Variants in MEIS2 observed in about 807,000 individuals in gnomAD.
MEIS2 encodes homeobox protein Meis2.
In MEIS2, 9 loss-of-function variants were observed where a neutral mutation model predicts 58.6. The ratio of observed to expected loss-of-function variants is 0.15; its 90% CI spans 0.09 to 0.27. The LOEUF (loss-of-function observed/expected upper bound fraction) is 0.27. Among genes scored for constraint, MEIS2 ranks in the 10% least tolerant of loss-of-function variants. MEIS2 has a pLI of 1.00. For missense variants in MEIS2, 427 were observed against 635.0 expected, an observed-to-expected ratio of 0.67 and a Z score of 3.52; for synonymous variants, 221 against 228.4, an observed-to-expected ratio of 0.97 and a Z score of 0.29.
Position 36,889,359 on chromosome 15 carries a change from G to C in MEIS2, c.*2814C>G, listed in dbSNP as rs543344013. On this transcript the variant is annotated 3_prime_UTR_variant, in exon 12 of 12. Transcript: ENST00000561208. ...TCTTTACACTAAATAGTAAACCCGA[G>C]ATAGGAGCAAGTGCCTTCCGGGGTG... 6.6e-6 allele frequency: 1 copy of C among 151,898 alleles called. No homozygotes were observed. The allele number at this position is 151,898 out of a possible 1,614,324, so 9.4% of individuals were successfully genotyped here.
chr15:37,011,749 A>C (rs973168113), intron 8 of MEIS2, among the ~76,000 whole-genome samples: 1 of 150,504 alleles, frequency 6.6e-6, no homozygotes, highest in Non-Finnish European at 1.5e-5. Flanking sequence ...CCTCCTGAGT[A>C]GCTGGGATTA....
chr15:37,099,574 G>T lies in MEIS2; in HGVS notation c.-108C>A. 6.6e-7 allele frequency: 1 copy of T among 1,508,056 alleles called. No homozygotes were observed. The highest frequency in any genetic ancestry group is 9.0e-7 in the Non-Finnish European group (1 of 1,108,986). The allele number at this position is 1,508,056 out of a possible 1,614,324, so 93.4% of individuals were successfully genotyped here. A position where few individuals can be genotyped will look rare whatever the true frequency, so the allele number is the denominator to read the frequency against. ...TCCTTTTTTTTTTTTCCAAACCAAA[G>T]AGACTTCTCCCAATTCTCCAATATG... On this transcript the variant is annotated 5_prime_UTR_variant, in exon 1 of 12. Transcript: ENST00000561208.
chr15:37,057,858 A>G (rs1888648474), intron 7 of MEIS2, among the ~76,000 whole-genome samples: 1 of 152,294 alleles, frequency 6.6e-6, no homozygotes, highest in South Asian at 2.1e-4. Context: ...TGTGCTGGTC[A>G]GGTGGCATCA....
At chr15:37,082,430 A>G (rs1043036559) in intron 7 of MEIS2, among the ~76,000 whole-genome samples, 1 of 152,106 alleles carries the variant, frequency 6.6e-6, no homozygotes, top group African/African-American at 2.4e-5. Flanking sequence ...GGATGGAGTC[A>G]TAGAAAGCTT....
At chr15:36,966,551 G>C (rs1000880884) in intron 8 of MEIS2, among the ~76,000 whole-genome samples, 9 of 152,064 alleles carry the variant, frequency 5.9e-5, no homozygotes, top group African/African-American at 1.9e-4. Context: ...TGAGTTCTTC[G>C]TTTATAAAAT....
intron 9 of MEIS2, among the ~76,000 whole-genome samples, chr15:36,907,047 T>G (rs1336910975): frequency 6.6e-6 from 1 of 152,148 alleles, no homozygotes; most frequent in Non-Finnish European, 1.5e-5. Context: ...CACTCCTTAC[T>G]TAACGAAAGT....
chr15:37,097,648 G>C (rs532302940), intron 2 of MEIS2, among the ~76,000 whole-genome samples: 1 of 152,330 alleles, frequency 6.6e-6, no homozygotes, highest in East Asian at 1.9e-4. Flanking sequence ...AGCCTGAAAC[G>C]AGCAGTCCTG....
intron 7 of MEIS2, among the ~76,000 whole-genome samples, chr15:37,043,680 CTTT>C (rs35502089): frequency 4.4e-5 from 5 of 112,962 alleles, no homozygotes; most frequent in East Asian, 5.1e-4. Context: ...CCGTCCCCTC[CTTT>C]TTTTTTTTTT....
chr15:37,099,696 C>T lies in MEIS2; in HGVS notation c.-230G>A, dbSNP rs918420364. ...TTTCTCTTTTTTCCTCTTCTTCCTC[C>T]TCCTCCTGATCTTCCTCCTCCTCCT... is the stretch of plus-strand genomic sequence containing the variant. On this transcript the variant is annotated 5_prime_UTR_variant, in exon 1 of 12. Coordinates refer to ENST00000561208, the MANE Select transcript of MEIS2 (RefSeq NM_170675.5). The T allele has an allele frequency of 2.3e-4, 116 of 512,932 alleles. 1 individual carries two copies. The highest frequency in any genetic ancestry group is 1.8e-3 in the African/African-American group (92 of 51,330). The allele number at this position is 512,932 out of a possible 1,614,324, so 31.8% of individuals were successfully genotyped here.
intron 9 of MEIS2, among the ~76,000 whole-genome samples, chr15:36,949,691 C>A (rs544804788): frequency 1.3e-5 from 2 of 152,078 alleles, no homozygotes; most frequent in Admixed American, 1.3e-4. Context: ...ATTCCTATAT[C>A]ATTTCTTGGC....
chr15:37,015,399 T>C (rs957883321), intron 8 of MEIS2, among the ~76,000 whole-genome samples: 4 of 152,194 alleles, frequency 2.6e-5, no homozygotes, highest in African/African-American at 9.6e-5. Context: ...TTCATAAAAC[T>C]GTAGATAATT....
At chr15:36,970,516 A>G (rs2059514676) in intron 8 of MEIS2, among the ~76,000 whole-genome samples, 2 of 152,176 alleles carry the variant, frequency 1.3e-5, no homozygotes, top group Non-Finnish European at 2.9e-5. Flanking sequence ...ACAAGAAATC[A>G]GAGAGTGCCC....
intron 11 of MEIS2, chr15:36,894,720 C>A: frequency 1.2e-6 from 2 of 1,610,044 alleles, no homozygotes; most frequent in Non-Finnish European, 1.7e-6. Context: ...TACTTACTTC[C>A]CCCTTGCTTT....
chr15:37,099,302 A>G, intron 1 of MEIS2, 153 bp downstream of exon 1: 1 of 1,517,734 alleles, frequency 6.6e-7, no homozygotes, highest in East Asian at 2.3e-5. Flanking sequence ...GAGGGAAAGA[A>G]GCCGATGAAT....
chr15:37,002,305 C>T (rs531369478), intron 8 of MEIS2, among the ~76,000 whole-genome samples: 20 of 151,680 alleles, frequency 1.3e-4, no homozygotes, highest in Non-Finnish European at 2.5e-4. Context: ...CTCCTCCCCG[C>T]TTCTGCAGCC....
At chr15:36,986,342 C>T (rs1402289627) in intron 8 of MEIS2, among the ~76,000 whole-genome samples, 1 of 152,226 alleles carries the variant, frequency 6.6e-6, no homozygotes, top group Non-Finnish European at 1.5e-5. Flanking sequence ...CTACAAACTG[C>T]ATTTCGCCTT....
intron 9 of MEIS2, among the ~76,000 whole-genome samples, chr15:36,921,700 G>A (rs2057514950): frequency 6.7e-6 from 1 of 149,776 alleles, no homozygotes; most frequent in South Asian, 2.1e-4. Context: ...AGCCTGATAC[G>A]CTAGTGACCT....
intron 8 of MEIS2, among the ~76,000 whole-genome samples, chr15:37,027,868 T>C (rs1028672780): frequency 2.0e-5 from 3 of 152,088 alleles, no homozygotes; most frequent in Non-Finnish European, 4.4e-5. Context: ...CACACATGTA[T>C]AGCCTCCCCA....
In MEIS2 at chr15:37,098,214, G is replaced by C. The variant is rs1382864125; in HGVS notation, c.13-15C>G. On this transcript the variant is annotated splice_polypyrimidine_tract_variant and intron_variant, in intron 1 of 11. Coordinates refer to ENST00000561208, the MANE Select transcript of MEIS2 (RefSeq NM_170675.5). ...AGCTCATCGTACTGTCAGAACCCGG[G>C]AAGGGGGAGGGGGCGCAGGAGGTGA... 8.9e-6 allele frequency: 14 copies of C among 1,575,270 alleles called. No individual in the cohort carries two copies. Among genetic ancestry groups the C allele is most frequent in the Non-Finnish European group, 1.2e-5 (14 of 1,155,764 alleles).
Sources: gnomAD v4.1 joint callset for allele counts (sites outside exome capture counted in the v4.1 genomes callset) on GRCh38, gnomAD v4.1.1 for gene constraint, MANE v1.5 for transcripts, NCBI Gene and HGNC (gene_info 2026-07-23, HGNC 2026-07-21) for gene names.